AUTS2: variants seen among roughly 807,000 people sequenced by gnomAD.
AUTS2 encodes the protein activator of transcription and developmental regulator AUTS2, also known as autism susceptibility gene 2 protein.
Under a neutral mutation model 112.4 loss-of-function variants are expected in AUTS2, and 17 were observed. The ratio of observed to expected loss-of-function variants is 0.15; its 90% confidence interval spans 0.10 to 0.23. The LOEUF is 0.23. Ranked by LOEUF, AUTS2 falls within the 10% of genes least tolerant of loss-of-function variation. The pLI is 1.00. For synonymous variants in AUTS2, 751 were observed against 702.7 expected (o/e 1.07, Z -1.09); for missense variants, 1,510 against 1,701.6 (o/e 0.89, Z 1.98).
intron 1 of AUTS2, among the ~76,000 whole-genome samples, chr7:69,873,865 AT>A (rs1261744814): frequency 1.3e-5 from 2 of 152,206 alleles, no homozygotes; most frequent in African/African-American, 4.8e-5. Context: ...TGATTTATTC[AT>A]TTGTGTAATG....
chr7:69,817,611 G>T (rs1162908966), intron 1 of AUTS2, among the ~76,000 whole-genome samples: 1 of 152,188 alleles, frequency 6.6e-6, no homozygotes, highest in Non-Finnish European at 1.5e-5. Flanking sequence ...TGAGGGAGGG[G>T]ACTTTGTGGG....
intron 1 of AUTS2, among the ~76,000 whole-genome samples, chr7:69,790,919 A>G (rs141328947): frequency 6.6e-6 from 1 of 152,344 alleles, no homozygotes; most frequent in East Asian, 1.9e-4. Context: ...ACTGGGTTCT[A>G]TCCGCACTTA....
chr7:69,767,956 G>T (rs955322091), intron 1 of AUTS2, among the ~76,000 whole-genome samples: 1 of 152,164 alleles, frequency 6.6e-6, no homozygotes, highest in Non-Finnish European at 1.5e-5. Flanking sequence ...TGAGGTTATT[G>T]TCATCACTGA....
intron 4 of AUTS2, among the ~76,000 whole-genome samples, chr7:70,273,227 A>G (rs1434904474): frequency 6.6e-6 from 1 of 152,062 alleles, no homozygotes; most frequent in Non-Finnish European, 1.5e-5. Flanking sequence ...ATGTTTTTGT[A>G]GAGACAGGAT....
At chr7:70,577,827 CTTTATTTTTTT>C (rs1802238429) in intron 5 of AUTS2, among the ~76,000 whole-genome samples, 1 of 144,742 alleles carries the variant, frequency 6.9e-6, no homozygotes, top group African/African-American at 2.7e-5. Flanking sequence ...TAATTTTTTT[CTTTATTTTTTT>C]TTTATTTTTT....
chr7:70,740,652 T>A (rs891432288), intron 6 of AUTS2, among the ~76,000 whole-genome samples: 4 of 152,246 alleles, frequency 2.6e-5, no homozygotes, highest in East Asian at 3.9e-4. Context: ...ATATTATTCA[T>A]GCTGTTTCAA....
At chr7:69,619,051 G>A (rs75406279) in intron 1 of AUTS2, among the ~76,000 whole-genome samples, 1 of 152,164 alleles carries the variant, frequency 6.6e-6, no homozygotes, top group Non-Finnish European at 1.5e-5. Flanking sequence ...GTTGTGTTTG[G>A]TTTTTCTTCA....
intron 4 of AUTS2, among the ~76,000 whole-genome samples, chr7:70,410,079 C>T (rs1304759025): frequency 6.6e-6 from 1 of 152,156 alleles, no homozygotes; most frequent in East Asian, 1.9e-4. Flanking sequence ...TTTCCCTCTA[C>T]TTTTGCAAGT....
chr7:70,552,549 A>T (rs1409028568), intron 5 of AUTS2, among the ~76,000 whole-genome samples: 1 of 152,196 alleles, frequency 6.6e-6, no homozygotes, highest in East Asian at 1.9e-4. Flanking sequence ...TTTTGCTTTG[A>T]ACTCAATTTA....
intron 2 of AUTS2, among the ~76,000 whole-genome samples, chr7:69,962,529 CTCTA>C (rs1337102752): frequency 2.0e-5 from 3 of 152,150 alleles, no homozygotes; most frequent in African/African-American, 7.2e-5. Context: ...TACAATTCAG[CTCTA>C]TCTTTGTACT....
intron 4 of AUTS2, among the ~76,000 whole-genome samples, chr7:70,158,341 C>A (rs534913609): frequency 1.2e-4 from 18 of 152,172 alleles, no homozygotes; most frequent in Admixed American, 4.6e-4. Flanking sequence ...AGATTGGAGG[C>A]AAGAACTTCA....
intron 1 of AUTS2, among the ~76,000 whole-genome samples, chr7:69,862,733 C>T (rs146118171): frequency 2.1e-4 from 32 of 152,148 alleles, no homozygotes; most frequent in Non-Finnish European, 4.1e-4. Context: ...CCATTGGAGG[C>T]GAGCTACAAC....
chr7:70,409,415 A>G (rs1467588401), intron 4 of AUTS2, among the ~76,000 whole-genome samples: 1 of 152,176 alleles, frequency 6.6e-6, no homozygotes, highest in African/African-American at 2.4e-5. Context: ...AATATAGGTT[A>G]TTAGTTTGGA....
At chr7:70,156,330 C>G (rs778127541) in intron 4 of AUTS2, among the ~76,000 whole-genome samples, 61 of 152,214 alleles carry the variant, frequency 4.0e-4, no homozygotes, top group Non-Finnish European at 7.8e-4. Flanking sequence ...CCCAGAATGC[C>G]CTGTTTTGGG....
chr7:69,759,162 C>G (rs1788060786), intron 1 of AUTS2, among the ~76,000 whole-genome samples: 1 of 152,064 alleles, frequency 6.6e-6, no homozygotes, highest in Admixed American at 6.6e-5. Flanking sequence ...AGCTGTCTGC[C>G]CGGGGAACCT....
At chr7:70,117,137 GT>G (rs541747935) in intron 2 of AUTS2, among the ~76,000 whole-genome samples, 28 of 61,960 alleles carry the variant, frequency 4.5e-4, no homozygotes, top group Admixed American at 6.5e-4. Flanking sequence ...GTTTTTTTTT[GT>G]TTTTTTTTTT....
intron 2 of AUTS2, among the ~76,000 whole-genome samples, chr7:70,069,148 G>A (rs1036506344): frequency 1.3e-5 from 2 of 152,118 alleles, no homozygotes; most frequent in Admixed American, 1.3e-4. Context: ...TGGAGCCTGG[G>A]GAGGCAGAAG....
intron 4 of AUTS2, among the ~76,000 whole-genome samples, chr7:70,145,353 G>A (rs1221203358): frequency 1.3e-5 from 2 of 152,064 alleles, no homozygotes; most frequent in African/African-American, 2.4e-5. Context: ...ATGGAGAAGT[G>A]TGGAAACCAT....
chr7:70,233,622 A>T (rs1812170988), intron 4 of AUTS2, among the ~76,000 whole-genome samples: 1 of 152,206 alleles, frequency 6.6e-6, no homozygotes, highest in Non-Finnish European at 1.5e-5. Flanking sequence ...ATATTTTTCC[A>T]TTAACACAGT....
Sources: allele counts gnomAD v4.1 joint callset (sites outside exome capture counted in the v4.1 genomes callset), GRCh38; gene constraint gnomAD v4.1.1; transcripts MANE v1.5; gene names NCBI Gene and HGNC (gene_info 2026-07-23, HGNC 2026-07-21).